The following NRXN3 variants were observed in gnomAD, a reference collection of about 807,000 sequenced individuals.
NRXN3 encodes neurexin 3.
Under a neutral mutation model 137.6 loss-of-function variants are expected in NRXN3, and 32 were observed. That is an observed-to-expected ratio of 0.23 (90% CI 0.18 to 0.31). The LOEUF (loss-of-function observed/expected upper bound fraction) is 0.31, where lower values mean the gene tolerates loss of function less well. Among genes scored for constraint, NRXN3 ranks in the 10% least tolerant of loss-of-function variants. NRXN3 has a pLI of 1.00. For missense variants in NRXN3, 1,574 were observed against 2,062.5 expected, an observed-to-expected ratio of 0.76 and a Z score of 4.59; for synonymous variants, 798 against 784.5, an observed-to-expected ratio of 1.02 and a Z score of -0.29.
At chr14:78,457,522 A>T (rs2094781574) in intron 4 of NRXN3, among the ~76,000 whole-genome samples, 1 of 152,178 alleles carries the variant, frequency 6.6e-6, no homozygotes, top group Non-Finnish European at 1.5e-5. Flanking sequence ...AGGATCAGGT[A>T]GTACTGAGGG....
chr14:79,094,683 G>C (rs796792035), intron 15 of NRXN3, among the ~76,000 whole-genome samples: 27 of 152,190 alleles, frequency 1.8e-4, no homozygotes, highest in African/African-American at 6.0e-4. Context: ...AAAGAAGTCT[G>C]AGTTTTTGTT....
At chr14:78,407,178 C>A (rs897083675) in intron 4 of NRXN3, among the ~76,000 whole-genome samples, 1 of 152,012 alleles carries the variant, frequency 6.6e-6, no homozygotes. Context: ...TAGAGCTTGG[C>A]CCATTAAAAC....
intron 15 of NRXN3, among the ~76,000 whole-genome samples, chr14:79,176,397 A>G (rs1207488299): frequency 6.6e-6 from 1 of 152,182 alleles, no homozygotes; most frequent in African/African-American, 2.4e-5. Flanking sequence ...CACACTCTCT[A>G]GTTTTCCCAC....
chr14:79,355,256 A>G (rs10150867), intron 15 of NRXN3, among the ~76,000 whole-genome samples: 3 of 140,464 alleles, frequency 2.1e-5, no homozygotes, highest in African/African-American at 9.0e-5. Context: ...TCTGTCCCCC[A>G]CCCCCTTCCT....
chr14:79,679,890 A>C (rs970716535), intron 17 of NRXN3, among the ~76,000 whole-genome samples: 2 of 152,178 alleles, frequency 1.3e-5, no homozygotes, highest in Non-Finnish European at 2.9e-5. Context: ...GTCATGACGT[A>C]ACTATAAGTT....
At chr14:79,598,169 A>G (rs2097881115) in intron 16 of NRXN3, among the ~76,000 whole-genome samples, 1 of 152,184 alleles carries the variant, frequency 6.6e-6, no homozygotes, top group African/African-American at 2.4e-5. Context: ...AGATAAAGAG[A>G]TATTGCAAGG....
At chr14:78,383,297 T>C (rs2089445693) in intron 4 of NRXN3, among the ~76,000 whole-genome samples, 1 of 152,118 alleles carries the variant, frequency 6.6e-6, no homozygotes, top group African/African-American at 2.4e-5. Flanking sequence ...CATTTCGTTA[T>C]GGAAAATAGG....
chr14:79,519,929 G>T (rs918830241), intron 16 of NRXN3, among the ~76,000 whole-genome samples: 1 of 151,754 alleles, frequency 6.6e-6, no homozygotes, highest in African/African-American at 2.4e-5. Flanking sequence ...TGCTATTTAG[G>T]TCAATTATAG....
chr14:78,360,735 A>G (rs922834590), intron 4 of NRXN3, among the ~76,000 whole-genome samples: 2 of 152,244 alleles, frequency 1.3e-5, no homozygotes, highest in African/African-American at 2.4e-5. Flanking sequence ...ATATATTTAC[A>G]TTTAAATTTT....
Position 79,646,166 on chromosome 14 carries a change from A to C in NRXN3, c.3445-17612A>C, listed in dbSNP as rs1450765707. On this transcript the variant is annotated intron_variant, in intron 16 of 20. Coordinates refer to ENST00000335750, the MANE Select transcript of NRXN3 (RefSeq NM_001330195.2). ...AAAATGACATGTGCACTTTAGTTTC[A>C]TTAGAGGCAGTGGTATCATGATTGC... is the stretch of plus-strand genomic sequence containing the variant. Among the ~76,000 whole-genome samples, 2 of 135,742 alleles carry C rather than the reference A, an allele frequency of 1.5e-5. 1 individual carries two copies. Among genetic ancestry groups the C allele is most frequent in the Non-Finnish European group, 3.4e-5 (2 of 58,418 alleles). The allele number at this position is 135,742 out of a possible 152,430, so 89.1% of individuals were successfully genotyped here. A position where few individuals can be genotyped will look rare whatever the true frequency, so the allele number is the denominator to read the frequency against.
At chr14:78,425,579 C>A (rs1456430581) in intron 4 of NRXN3, among the ~76,000 whole-genome samples, 1 of 152,144 alleles carries the variant, frequency 6.6e-6, no homozygotes, top group Admixed American at 6.5e-5. Context: ...TTGACTAAAC[C>A]CTCTGCATTC....
chr14:78,204,040 G>A (rs146331830), intron 1 of NRXN3, among the ~76,000 whole-genome samples: 1 of 151,974 alleles, frequency 6.6e-6, no homozygotes, highest in East Asian at 1.9e-4. Flanking sequence ...AAGGTATAAA[G>A]TACTCCATTA....
At chr14:79,071,701 A>T (rs1455947562) in intron 15 of NRXN3, among the ~76,000 whole-genome samples, 1 of 152,138 alleles carries the variant, frequency 6.6e-6, no homozygotes, top group Admixed American at 6.6e-5. Flanking sequence ...AAAAGTGGGG[A>T]CGGTTCATTG....
chr14:78,768,176 T>C (rs2098715067), intron 8 of NRXN3, among the ~76,000 whole-genome samples: 1 of 152,074 alleles, frequency 6.6e-6, no homozygotes, highest in Non-Finnish European at 1.5e-5. Flanking sequence ...GATAAACATG[T>C]TTGTAAATAA....
chr14:78,549,535 C>G (rs549952075), intron 4 of NRXN3, among the ~76,000 whole-genome samples: 1 of 152,288 alleles, frequency 6.6e-6, no homozygotes, highest in East Asian at 1.9e-4. Context: ...TTCTGGTGTT[C>G]CCATTAGACT....
chr14:78,692,438 A>G lies in NRXN3; in HGVS notation c.1222-16779A>G, dbSNP rs558968174. Among the ~76,000 whole-genome samples, 5 of 152,296 alleles carry G rather than the reference A, an allele frequency of 3.3e-5. No individual in the cohort carries two copies. In the South Asian group the frequency reaches 1.0e-3, roughly 32 times the overall value. Reference sequence around the variant, plus strand: ...TGGGATACTGCTTCAAATCTGCAGCAATATAGGTAGGTGTCTTTGGTGAGG... The same window carrying G: ...TGGGATACTGCTTCAAATCTGCAGCGATATAGGTAGGTGTCTTTGGTGAGG... On this transcript the variant is annotated intron_variant, in intron 6 of 20. Coordinates refer to ENST00000335750, the MANE Select transcript of NRXN3 (RefSeq NM_001330195.2).
intron 15 of NRXN3, among the ~76,000 whole-genome samples, chr14:79,400,832 T>C (rs991621526): frequency 2.0e-5 from 3 of 152,198 alleles, no homozygotes; most frequent in African/African-American, 4.8e-5. Flanking sequence ...TGGGCATGAA[T>C]TATAGCATAA....
At chr14:79,819,173 G>A (rs547421346) in intron 20 of NRXN3, among the ~76,000 whole-genome samples, 17 of 152,218 alleles carry the variant, frequency 1.1e-4, no homozygotes, top group Admixed American at 2.0e-4. Flanking sequence ...CACTTTGAGC[G>A]TCTTACAGTC....
chr14:78,686,422 T>C (rs1426498512), intron 6 of NRXN3, among the ~76,000 whole-genome samples: 1 of 152,212 alleles, frequency 6.6e-6, no homozygotes, highest in Non-Finnish European at 1.5e-5. Context: ...CACTCACAGA[T>C]GGAAATTGCC....
Sources: allele counts gnomAD v4.1 joint callset (sites outside exome capture counted in the v4.1 genomes callset), GRCh38; gene constraint gnomAD v4.1.1; transcripts MANE v1.5; gene names NCBI Gene and HGNC (gene_info 2026-07-23, HGNC 2026-07-21).